TRIO: variants seen among roughly 807,000 people sequenced by gnomAD.
TRIO encodes trio Rho guanine nucleotide exchange factor.
Under a neutral mutation model 351.9 loss-of-function variants are expected in TRIO, and 58 were observed. The observed-to-expected ratio is 0.16, with a 90% confidence interval of 0.13 to 0.21. The LOEUF (loss-of-function observed/expected upper bound fraction) is 0.21, where lower values mean the gene tolerates loss of function less well. Among genes scored for constraint, TRIO ranks in the 10% least tolerant of loss-of-function variants. TRIO has a pLI of 1.00. For missense variants in TRIO, 3,201 were observed against 4,027.8 expected (o/e 0.79, Z 5.56); for synonymous variants, 1,758 against 1,595.7 (o/e 1.10, Z -2.42).
intron 5 of TRIO, among the ~76,000 whole-genome samples, chr5:14,291,651 T>C (rs1012852376): frequency 2.6e-5 from 4 of 151,610 alleles, no homozygotes; most frequent in Admixed American, 6.6e-5. Context: ...TAGCCGGGTG[T>C]GGTGGCACGC....
In TRIO at chr5:14,291,143, A is replaced by G. The variant is rs777932649; in HGVS notation, c.968A>G (p.Gln323Arg). ...TMLDRLHSTR[Q>R]HLHQMWHVRK... Reference sequence around the variant, plus strand: ...CTGGACCGGCTGCACTCGACACGGCAGCATCTGCACCAGATGTGGCATGTG... The same window carrying G: ...CTGGACCGGCTGCACTCGACACGGCGGCATCTGCACCAGATGTGGCATGTG... The change falls in exon 5 of 57, where the codon CAG (glutamine) becomes CGG (arginine). Residue 323 changes from glutamine to arginine, a missense_variant. Around this residue, in one of 19 missense-constraint regions of TRIO, gnomAD observed 349 missense variants for 449.3 expected, o/e 0.78. Coordinates refer to ENST00000344204, the MANE Select transcript of TRIO (RefSeq NM_007118.4). 6.2e-6 allele frequency: 10 copies of G among 1,614,190 alleles called. No homozygotes were observed. Among genetic ancestry groups the G allele is most frequent in the Non-Finnish European group, 8.5e-6 (10 of 1,180,040 alleles).
chr5:14,430,683 C>CGTTTT, intron 34 of TRIO, among the ~76,000 whole-genome samples: 1 of 95,518 alleles, frequency 1.0e-5, no homozygotes, highest in South Asian at 3.8e-4. Context: ...CAGTGAATTT[C>CGTTTT]GTTTTATTTT....
At chr5:14,228,749 T>C (rs1190351554) in intron 1 of TRIO, among the ~76,000 whole-genome samples, 1 of 152,162 alleles carries the variant, frequency 6.6e-6, no homozygotes, top group Non-Finnish European at 1.5e-5. Context: ...GGCTTTCTGT[T>C]ATTAAGGTTG....
At chr5:14,358,139 C>T (rs1743803363) in intron 11 of TRIO, 39 bp from the exon 12 acceptor site, 1 of 1,587,752 alleles carries the variant, frequency 6.3e-7, no homozygotes. Context: ...GGTGGTGCAG[C>T]CAGGCCGGCC....
chr5:14,351,388 C>T (rs1743089020), intron 11 of TRIO, among the ~76,000 whole-genome samples: 1 of 152,206 alleles, frequency 6.6e-6, no homozygotes, highest in Admixed American at 6.5e-5. Flanking sequence ...CTGCAAGTTG[C>T]CATTGAAACT....
intron 11 of TRIO, among the ~76,000 whole-genome samples, chr5:14,337,160 C>T (rs553216625): frequency 1.3e-5 from 2 of 152,284 alleles, no homozygotes; most frequent in Admixed American, 6.5e-5. Context: ...TTAAATGTGC[C>T]AGAGCCAACC....
In TRIO at chr5:14,420,279, G is replaced by A; in HGVS notation, c.5203+258G>A. ...TAGTGAGATATGACATCAGTTTAGA[G>A]AAGAACACTGATTTTGGAACATTCC... On this transcript the variant is annotated intron_variant, in intron 34 of 56. Coordinates refer to ENST00000344204, the MANE Select transcript of TRIO (RefSeq NM_007118.4). 3 of 465,114 alleles carry A rather than the reference G, an allele frequency of 6.5e-6. No homozygotes were observed. The South Asian group carries it at 7.5e-5, about 12-fold the overall frequency. 28.8% of individuals were successfully genotyped at this position (465,114 alleles called of 1,614,324 possible). A position where few individuals can be genotyped will look rare whatever the true frequency, so the allele number is the denominator to read the frequency against.
chr5:14,447,501 A>G (rs1251479498), intron 34 of TRIO, among the ~76,000 whole-genome samples: 1 of 152,224 alleles, frequency 6.6e-6, no homozygotes, highest in Non-Finnish European at 1.5e-5. Flanking sequence ...CCTGAAATAA[A>G]TCAGTCATAT....
intron 34 of TRIO, among the ~76,000 whole-genome samples, chr5:14,431,465 C>T (rs980723559): frequency 1.3e-5 from 2 of 152,140 alleles, no homozygotes; most frequent in East Asian, 1.9e-4. Flanking sequence ...CATTGCACGG[C>T]GGCTCTGGAA....
intron 1 of TRIO, among the ~76,000 whole-genome samples, chr5:14,170,657 C>T (rs1789044156): frequency 6.6e-6 from 1 of 152,074 alleles, no homozygotes; most frequent in South Asian, 2.1e-4. Flanking sequence ...CAGGCGTGCT[C>T]CACCATGCCT....
intron 28 of TRIO, among the ~76,000 whole-genome samples, chr5:14,394,523 T>G (rs1298194059): frequency 6.6e-6 from 1 of 152,150 alleles, no homozygotes; most frequent in Non-Finnish European, 1.5e-5. Context: ...GTAAGGAGTG[T>G]GCCCAGAATC....
In TRIO at chr5:14,488,268, C is replaced by G; in HGVS notation, c.7632+8C>G. ...TCCACCCAGAGCAACGGGGTAAGCG[C>G]GTCGGGGGGCCCGCGCCCTCCCGCC... is the stretch of plus-strand genomic sequence containing the variant. On this transcript the variant is annotated splice_region_variant and intron_variant, in intron 48 of 56. Transcript: ENST00000344204. 6.5e-7 allele frequency: 1 copy of G among 1,549,986 alleles called. No individual in the cohort carries two copies. The highest frequency in any genetic ancestry group is 1.2e-5 in the South Asian group (1 of 85,832).
intron 28 of TRIO, among the ~76,000 whole-genome samples, chr5:14,395,452 G>A (rs915662494): frequency 3.3e-5 from 5 of 152,138 alleles, no homozygotes; most frequent in Admixed American, 1.3e-4. Flanking sequence ...TGTAAACCTC[G>A]CCTTACTCTG....
At chr5:14,272,431 C>G (rs190551653) in intron 2 of TRIO, among the ~76,000 whole-genome samples, 1 of 152,258 alleles carries the variant, frequency 6.6e-6, no homozygotes, top group Admixed American at 6.5e-5. Context: ...TGTATTCATG[C>G]TTTTATTAGG....
chr5:14,248,533 C>A (rs1026824462), intron 1 of TRIO, among the ~76,000 whole-genome samples: 1 of 152,188 alleles, frequency 6.6e-6, no homozygotes, highest in Non-Finnish European at 1.5e-5. Context: ...GCACCTGCTG[C>A]CGTAGGTGAG....
At chr5:14,215,299 C>T (rs1263291756) in intron 1 of TRIO, among the ~76,000 whole-genome samples, 2 of 152,182 alleles carry the variant, frequency 1.3e-5, no homozygotes, top group East Asian at 3.8e-4. Context: ...ACATTTCTTT[C>T]ACAAACGTTC....
chr5:14,160,619 T>C (rs1375947121), intron 1 of TRIO, among the ~76,000 whole-genome samples: 1 of 152,240 alleles, frequency 6.6e-6, no homozygotes, highest in African/African-American at 2.4e-5. Context: ...ATTAAAATTA[T>C]AAAAGATGAT....
chr5:14,283,316 G>A (rs559778231), intron 3 of TRIO, among the ~76,000 whole-genome samples: 39 of 152,322 alleles, frequency 2.6e-4, no homozygotes, highest in Admixed American at 2.0e-3. Flanking sequence ...TTTGAAGGCA[G>A]CCCTTCGGCC....
chr5:14,477,815 C>T (rs1157326294), intron 41 of TRIO, among the ~76,000 whole-genome samples: 2 of 152,182 alleles, frequency 1.3e-5, no homozygotes, highest in South Asian at 2.1e-4. Flanking sequence ...GAGGTTGACA[C>T]GTTTCATTAC....
Sources: allele counts gnomAD v4.1 joint callset (sites outside exome capture counted in the v4.1 genomes callset), GRCh38; gene constraint gnomAD v4.1.1; regional missense constraint gnomAD v4.1.1; transcripts MANE v1.5; gene names NCBI Gene and HGNC (gene_info 2026-07-23, HGNC 2026-07-21).